Variants in NTRK3 observed in about 807,000 individuals in gnomAD.
The protein encoded by NTRK3 is neurotrophic receptor tyrosine kinase 3.
A neutral mutation model predicts 91.7 loss-of-function variants in NTRK3; 24 were observed. That is an observed-to-expected ratio of 0.26 (90% CI 0.19 to 0.37). The LOEUF (loss-of-function observed/expected upper bound fraction) is 0.37. NTRK3 is among the 10% of genes least tolerant of loss of function. NTRK3 has a pLI of 1.00. For missense variants in NTRK3, 880 were observed against 1,068.9 expected (o/e 0.82, Z 2.46); for synonymous variants, 483 against 404.0 (o/e 1.20, Z -2.34).
intron 17 of NTRK3, among the ~76,000 whole-genome samples, chr15:87,905,532 C>T (rs977959674): frequency 9.2e-5 from 14 of 152,050 alleles, no homozygotes; most frequent in Non-Finnish European, 1.3e-4. Context: ...TAAATATAAC[C>T]ATCATATCTG....
chr15:87,930,160 C>T (rs1428950572), intron 16 of NTRK3, among the ~76,000 whole-genome samples: 1 of 152,174 alleles, frequency 6.6e-6, no homozygotes, highest in Admixed American at 6.5e-5. Context: ...TAACTTATGG[C>T]CATAGCAGTG....
At chr15:87,908,536 T>C in intron 17 of NTRK3, 1 of 399,222 alleles carries the variant, frequency 2.5e-6, no homozygotes, top group Non-Finnish European at 4.4e-6. Context: ...CACACCACAC[T>C]GAACGGGCCC....
chr15:88,037,964 G>A (rs751194109), intron 13 of NTRK3, among the ~76,000 whole-genome samples: 3 of 152,218 alleles, frequency 2.0e-5, no homozygotes, highest in Non-Finnish European at 4.4e-5. Context: ...TAAACTCACA[G>A]TCTGGCTCCG....
At chr15:88,135,823 C>A in intron 9 of NTRK3, 76 bp downstream of exon 9, 1 of 1,576,510 alleles carries the variant, frequency 6.3e-7, no homozygotes, top group Non-Finnish European at 8.6e-7. Flanking sequence ...CCCCTGACAA[C>A]ACCTTGGCCC....
intron 14 of NTRK3, among the ~76,000 whole-genome samples, chr15:87,941,144 G>A (rs2069802546): frequency 6.6e-6 from 1 of 152,106 alleles, no homozygotes; most frequent in Non-Finnish European, 1.5e-5. Context: ...CTAATCCAGT[G>A]GGTCTGAGAA....
chr15:88,158,069 T>G (rs2044086715), intron 5 of NTRK3, among the ~76,000 whole-genome samples: 1 of 152,094 alleles, frequency 6.6e-6, no homozygotes, highest in Non-Finnish European at 1.5e-5. Flanking sequence ...TCTGCGTGAG[T>G]TACTTCACCT....
chr15:88,139,260 A>G (rs1456532454), intron 6 of NTRK3, among the ~76,000 whole-genome samples: 2 of 152,208 alleles, frequency 1.3e-5, no homozygotes, highest in East Asian at 3.8e-4. Context: ...AACAGCATTA[A>G]TCAATCCAAA....
chr15:88,201,061 G>A (rs943075811), intron 3 of NTRK3, among the ~76,000 whole-genome samples: 2 of 152,172 alleles, frequency 1.3e-5, no homozygotes, highest in African/African-American at 4.8e-5. Context: ...GTAGATCCCT[G>A]TCTACGCCGC....
intron 16 of NTRK3, among the ~76,000 whole-genome samples, 187 bp downstream of exon 16, chr15:87,932,825 C>T (rs2068923178): frequency 6.6e-6 from 1 of 152,118 alleles, no homozygotes; most frequent in Non-Finnish European, 1.5e-5. Flanking sequence ...GTTTTCCCTA[C>T]AAACCGGGGA....
intron 14 of NTRK3, among the ~76,000 whole-genome samples, chr15:88,019,501 G>A (rs1352348834): frequency 1.3e-5 from 2 of 152,204 alleles, no homozygotes; most frequent in African/African-American, 4.8e-5. Context: ...GTGCTTGGGG[G>A]TAATTCCATT....
At chr15:88,111,891 GT>G (rs58127562) in intron 13 of NTRK3, among the ~76,000 whole-genome samples, 76,403 of 146,194 alleles carry the variant, frequency 0.52, 21,070 homozygotes, top group African/African-American at 0.72. Flanking sequence ...CTGGTTTCTG[GT>G]TTTTTTTTTG....
chr15:88,127,900 C>A (rs1177316733), intron 11 of NTRK3, among the ~76,000 whole-genome samples: 1 of 152,198 alleles, frequency 6.6e-6, no homozygotes, highest in Admixed American at 6.5e-5. Flanking sequence ...TCTAGAATCA[C>A]CTCCTTGACA....
intron 14 of NTRK3, among the ~76,000 whole-genome samples, chr15:88,015,899 T>C (rs1351130681): frequency 6.6e-6 from 1 of 151,942 alleles, no homozygotes; most frequent in East Asian, 1.9e-4. Flanking sequence ...AATGTGAATA[T>C]AGCCTGGCCA....
intron 14 of NTRK3, among the ~76,000 whole-genome samples, chr15:87,976,744 G>C (rs899807617): frequency 1.3e-5 from 2 of 152,196 alleles, no homozygotes; most frequent in African/African-American, 4.8e-5. Flanking sequence ...GCTCACCTGA[G>C]TGTGTGCATG....
intron 3 of NTRK3, among the ~76,000 whole-genome samples, chr15:88,252,342 G>A (rs553943065): frequency 2.5e-3 from 383 of 152,208 alleles, no homozygotes; most frequent in Non-Finnish European, 4.2e-3. Context: ...CCAAAGCCCC[G>A]AATGATCCTT....
At chr15:88,161,005 A>G (rs62019266) in intron 5 of NTRK3, among the ~76,000 whole-genome samples, 10,614 of 152,240 alleles carry the variant, frequency 0.07, 456 homozygotes, top group Admixed American at 0.099. Context: ...GCAATTCTAA[A>G]GATCAAGATA....
chr15:87,926,246 A>G (rs113438464), intron 17 of NTRK3, among the ~76,000 whole-genome samples: 23 of 152,300 alleles, frequency 1.5e-4, no homozygotes, highest in African/African-American at 5.3e-4. Context: ...TCTGCCTTTC[A>G]TTTTACAGAA....
At chr15:88,005,822 C>G (rs948211576) in intron 14 of NTRK3, among the ~76,000 whole-genome samples, 1 of 152,162 alleles carries the variant, frequency 6.6e-6, no homozygotes, top group Admixed American at 6.5e-5. Flanking sequence ...AGTTTTTACC[C>G]TTGAACATTA....
chr15:88,191,237 G>A (rs1431171268), intron 3 of NTRK3, among the ~76,000 whole-genome samples: 5 of 150,930 alleles, frequency 3.3e-5, no homozygotes, highest in African/African-American at 7.3e-5. Context: ...CTGTCACCCA[G>A]GCTGGAGTGC....
Sources: allele counts gnomAD v4.1 joint callset (sites outside exome capture counted in the v4.1 genomes callset), GRCh38; gene constraint gnomAD v4.1.1; transcripts MANE v1.5; gene names NCBI Gene and HGNC (gene_info 2026-07-23, HGNC 2026-07-21).